The following SORL1 variants were observed in gnomAD, a reference collection of about 807,000 sequenced individuals.
SORL1 encodes sortilin-related receptor.
Under a neutral mutation model 273.7 loss-of-function variants are expected in SORL1, and 127 were observed. The ratio of observed to expected loss-of-function variants is 0.46; its 90% CI spans 0.40 to 0.54. The LOEUF (loss-of-function observed/expected upper bound fraction) is 0.54. Ranked by LOEUF, SORL1 falls within the 20% of genes least tolerant of loss-of-function variation. The pLI is 0.00. For synonymous variants in SORL1, 1,031 were observed against 1,067.4 expected, an observed-to-expected ratio of 0.97 and a Z score of 0.66; for missense variants, 2,494 against 2,846.1, an observed-to-expected ratio of 0.88 and a Z score of 2.81.
chr11:121,625,062 C>T, intron 45 of SORL1, 23 bp from the exon 46 acceptor site: 1 of 1,557,794 alleles, frequency 6.4e-7, no homozygotes. Context: ...ACTTCCTGAG[C>T]AATCTCTTGT....
chr11:121,522,622 C>T lies in SORL1; in HGVS notation c.1441C>T (p.Leu481Phe), dbSNP rs1375533867. 1 of 1,614,120 alleles carries T rather than the reference C, an allele frequency of 6.2e-7. No homozygotes were observed. The highest frequency in any genetic ancestry group is 1.3e-5 in the African/African-American group (1 of 74,946). Residue 481 changes from leucine to phenylalanine, a missense_variant, in exon 10 of 48, where the codon CTC becomes TTC. Around this residue, in one of 3 missense-constraint regions of SORL1, gnomAD observed 710 missense variants for 882.5 expected, o/e 0.80. Transcript: ENST00000260197. ...QGCSLHLAQR[L>F]SQLLNLQLRR... ...CTGTTCCCTTCATCTGGCTCAGCGC[C>T]TCAGTCAGCTCCTCAACCTCCAGCT...
intron 25 of SORL1, among the ~76,000 whole-genome samples, chr11:121,579,183 G>A (rs1862978795): frequency 6.6e-6 from 1 of 152,176 alleles, no homozygotes; most frequent in Non-Finnish European, 1.5e-5. Context: ...TTCCGGCAAG[G>A]CAAACTGGAG....
chr11:121,580,352 C>T (rs566542878), intron 25 of SORL1, among the ~76,000 whole-genome samples: 10 of 152,252 alleles, frequency 6.6e-5, no homozygotes, highest in East Asian at 1.9e-4. Context: ...AGAATCTGAG[C>T]GACTTCTCTA....
chr11:121,518,535 C>T (rs1033778291), intron 8 of SORL1, among the ~76,000 whole-genome samples: 1 of 152,108 alleles, frequency 6.6e-6, no homozygotes, highest in Non-Finnish European at 1.5e-5. Flanking sequence ...CTAGAAGAAG[C>T]CCATAACCAG....
intron 5 of SORL1, among the ~76,000 whole-genome samples, chr11:121,491,880 C>T (rs916292893): frequency 2.6e-5 from 4 of 152,208 alleles, no homozygotes; most frequent in African/African-American, 9.7e-5. Flanking sequence ...TCATTTCTCT[C>T]AGATTAAATG....
chr11:121,608,319 G>A, intron 38 of SORL1, 143 bp downstream of exon 38: 1 of 692,588 alleles, frequency 1.4e-6, no homozygotes, highest in Non-Finnish European at 2.5e-6. Context: ...GCACATTTTT[G>A]GGTGTCTCTG....
At position 121,550,074 on chromosome 11, in the gene SORL1, C is replaced by G; in HGVS notation, c.2166C>G (p.Tyr722Ter). The change falls in exon 15 of 48, where the codon TAC becomes TAG. Residue 722 changes from tyrosine (Y) to a stop codon, truncating the protein, a stop_gained. Coordinates refer to ENST00000260197, the MANE Select transcript of SORL1 (RefSeq NM_003105.6). LOFTEE classifies it high-confidence loss of function. The surrounding 1 kb of genome is among the most constrained non-coding windows in gnomAD (Gnocchi z 5.3). ...PPVPCPVGST[Y>*]RRTRGYRKIS... ...TGCCTTGCCCTGTGGGTTCTACTTA[C>G]AGGAGAACGAGAGGGTATGTATCAC... is the stretch of plus-strand genomic sequence containing the variant. 1.9e-6 allele frequency: 3 copies of G among 1,613,318 alleles called. No individual in the cohort carries two copies. Among genetic ancestry groups the G allele is most frequent in the Non-Finnish European group, 2.5e-6 (3 of 1,179,528 alleles).
At chr11:121,582,030 A>G (rs139934548) in intron 25 of SORL1, among the ~76,000 whole-genome samples, 87 of 152,354 alleles carry the variant, frequency 5.7e-4, no homozygotes, top group Middle Eastern at 3.4e-3. Context: ...ATAGTTTTTA[A>G]AGATGTTTAA....
At position 121,577,519 on chromosome 11, in the gene SORL1, C is replaced by T. The variant is rs917099648; in HGVS notation, c.3580+119C>T. On this transcript the variant is annotated intron_variant, in intron 25 of 47. Coordinates refer to ENST00000260197, the MANE Select transcript of SORL1 (RefSeq NM_003105.6). ...AATTAGCTTGGACCTTAGAAATCAG[C>T]GAGTTTCATGCTTCTCAAAGAGCTG... 2.2e-5 allele frequency: 25 copies of T among 1,127,266 alleles called. 1 individual carries two copies. The South Asian group carries it at 3.4e-4, about 15-fold the overall frequency. 69.8% of individuals were successfully genotyped at this position (1,127,266 alleles called of 1,614,324 possible).
chr11:121,537,901 C>A (rs1862289179), intron 12 of SORL1, among the ~76,000 whole-genome samples: 1 of 152,178 alleles, frequency 6.6e-6, no homozygotes, highest in Non-Finnish European at 1.5e-5. Flanking sequence ...TATTTAAGGA[C>A]CCTGTCATGT....
chr11:121,488,257 A>T (rs1861505198), intron 4 of SORL1, 64 bp downstream of exon 4: 3 of 1,546,332 alleles, frequency 1.9e-6, no homozygotes, highest in Non-Finnish European at 2.7e-6. Context: ...GCCTGTGTGG[A>T]TTGTGTGTCC....
chr11:121,478,214 T>A lies in SORL1; in HGVS notation c.499T>A (p.Phe167Ile). ...GNRSEAVIAQ[F>I]YHSPADNKRY... The stretch of plus-strand genomic sequence containing the variant: ...TAGGAGTGAAGCTGTTATCGCCCAG[T>A]TCTACCACAGCCCTGCGGACAACAA... The change falls in exon 3 of 48, where the codon TTC becomes ATC. Residue 167 changes from phenylalanine to isoleucine, a missense_variant. Phe to Ile is a conservative substitution (Grantham distance 21). Transcript: ENST00000260197. 6.2e-7 allele frequency: 1 copy of A among 1,614,176 alleles called. No homozygotes were observed.
Position 121,567,024 on chromosome 11 carries a change from A to T in SORL1, c.3134A>T (p.Asp1045Val). 1.9e-6 allele frequency: 3 copies of T among 1,614,170 alleles called. No individual in the cohort carries two copies. The highest frequency in any genetic ancestry group is 1.3e-5 in the African/African-American group (1 of 75,054). Residue 1045 changes from aspartate to valine, a missense_variant, in exon 22 of 48, where the codon GAT (aspartate) becomes GTT (valine). Physicochemically the swap from Asp to Val is radical, Grantham distance 152. Around this residue, in one of 3 missense-constraint regions of SORL1, gnomAD observed 1,609 missense variants for 1,816.4 expected, o/e 0.89. Transcript: ENST00000260197. ...NNSRSCRCPEDVSSSVLPSGD... is the reference protein window; with the variant it reads ...NNSRSCRCPEVVSSSVLPSGD... ...AGTAGAAGCTGCAGGTGTCCAGAGG[A>T]TGTGTCCAGCAGTGTGCTTCCATCA... is the stretch of plus-strand genomic sequence containing the variant.
At chr11:121,548,005 TTA>T (rs1260881805) in intron 14 of SORL1, among the ~76,000 whole-genome samples, 4 of 152,236 alleles carry the variant, frequency 2.6e-5, no homozygotes, top group African/African-American at 7.2e-5. Flanking sequence ...GTAGATTCTT[TTA>T]TGTTCTTATA....
intron 6 of SORL1, among the ~76,000 whole-genome samples, chr11:121,499,071 T>C (rs1861674222): frequency 2.0e-5 from 3 of 152,176 alleles, no homozygotes; most frequent in Admixed American, 2.0e-4. Flanking sequence ...CCTTGCGCTA[T>C]GTTTGATACG....
rs778333628 is a variant in SORL1 at position 121,589,350 on chromosome 11, G to T, written c.4038G>T (p.Gly1346=). Residue 1346 remains glycine (G), a synonymous_variant, in exon 29 of 48, where the codon GGG becomes GGT. Coordinates refer to ENST00000260197, the MANE Select transcript of SORL1 (RefSeq NM_003105.6). ...TCAGTTTGATTTGGAAGTGCGACGGGATGGATGATTGCGGCGATTATTCTG... is the reference window on the plus strand; with the variant it reads ...TCAGTTTGATTTGGAAGTGCGACGGTATGGATGATTGCGGCGATTATTCTG... ...VCISLIWKCD[G]MDDCGDYSDE... is the part of the protein sequence containing the mutation. 2.5e-6 allele frequency: 4 copies of T among 1,613,736 alleles called. No individual in the cohort carries two copies. The African/African-American group carries it at 5.3e-5, about 22-fold the overall frequency.
intron 6 of SORL1, among the ~76,000 whole-genome samples, chr11:121,507,040 A>AT (rs1861799414): frequency 6.6e-6 from 1 of 152,248 alleles, no homozygotes; most frequent in Non-Finnish European, 1.5e-5. Context: ...ATTTGGATTA[A>AT]TAACAATGTA....
At chr11:121,489,218 G>A (rs1474146821) in intron 4 of SORL1, among the ~76,000 whole-genome samples, 1 of 151,958 alleles carries the variant, frequency 6.6e-6, no homozygotes, top group Admixed American at 6.6e-5. Context: ...CCTCTTTTTT[G>A]TGCGTGTTAA....
intron 6 of SORL1, among the ~76,000 whole-genome samples, chr11:121,504,646 C>T (rs922133006): frequency 2.0e-5 from 3 of 152,026 alleles, no homozygotes; most frequent in East Asian, 1.9e-4. Context: ...CAACATCATC[C>T]TTTAATTCTT....
Sources: gnomAD v4.1 joint callset for allele counts (sites outside exome capture counted in the v4.1 genomes callset) on GRCh38, gnomAD v4.1.1 for gene constraint, gnomAD v4.1.1 regional missense constraint, Gnocchi (gnomAD v3.1) non-coding constraint, MANE v1.5 for transcripts, NCBI Gene and HGNC (gene_info 2026-07-23, HGNC 2026-07-21) for gene names.